SOX5: variants seen among roughly 807,000 people sequenced by gnomAD.
SOX5 encodes transcription factor SOX-5.
SOX5 carries 9 observed loss-of-function variants against 92.0 expected under a neutral mutation model. That is an observed-to-expected ratio of 0.10 (90% confidence interval 0.06 to 0.17). The LOEUF (loss-of-function observed/expected upper bound fraction) is 0.17. SOX5 is among the 10% of genes least tolerant of loss of function. The pLI is 1.00. For missense variants in SOX5, 642 were observed against 944.5 expected, an observed-to-expected ratio of 0.68 and a Z score of 4.20; for synonymous variants, 344 against 336.3, an observed-to-expected ratio of 1.02 and a Z score of -0.25.
chr12:24,561,634 G>A (rs926275688), intron 1 of SOX5, among the ~76,000 whole-genome samples: 5 of 143,312 alleles, frequency 3.5e-5, no homozygotes, highest in Non-Finnish European at 7.5e-5. Context: ...GAGGTGGGGG[G>A]AAAAAGTAGT....
Position 24,505,860 on chromosome 12 carries a change from T to TGTGTGTGTGCGCGC in SOX5, c.-251+56468_-251+56469insGCGCGCACACACAC, listed in dbSNP as rs1555327823. Among the ~76,000 whole-genome samples, 17 of 123,944 alleles carry TGTGTGTGTGCGCGC rather than the reference T, an allele frequency of 1.4e-4. No individual in the cohort carries two copies. The South Asian group carries it at 1.8e-3, about 13-fold the overall frequency. The allele number at this position is 123,944 out of a possible 152,430, so 81.3% of individuals were successfully genotyped here. A position where few individuals can be genotyped will look rare whatever the true frequency, so the allele number is the denominator to read the frequency against. The stretch of plus-strand genomic sequence containing the variant: ...GTGTGTGTGTGTGTGTGTGCGTGTG[T>TGTGTGTGTGCGCGC]GTGTGTGTGTGTGCGCATCACTGCA... On this transcript the variant is annotated intron_variant, in intron 1 of 4. Coordinates refer to the SOX5 transcript ENST00000446891.
At chr12:23,610,777 T>C (rs1040885086) in intron 8 of SOX5, among the ~76,000 whole-genome samples, 19 of 152,024 alleles carry the variant, frequency 1.2e-4, no homozygotes, top group Non-Finnish European at 1.0e-4. Context: ...ACAAAGTAAA[T>C]TAATAACCTC....
intron 6 of SOX5, among the ~76,000 whole-genome samples, chr12:23,690,966 G>A (rs1163145502): frequency 6.6e-6 from 1 of 152,168 alleles, no homozygotes; most frequent in African/African-American, 2.4e-5. Flanking sequence ...TCCAGACTGG[G>A]AAGGGAGCAC....
chr12:24,312,835 C>A (rs562482644), intron 2 of SOX5, among the ~76,000 whole-genome samples: 6 of 152,302 alleles, frequency 3.9e-5, no homozygotes, highest in African/African-American at 9.6e-5. Flanking sequence ...AGACCTGCAA[C>A]CTTCTTAAAG....
chr12:24,429,652 C>A (rs1453866981), intron 1 of SOX5, among the ~76,000 whole-genome samples: 2 of 149,202 alleles, frequency 1.3e-5, no homozygotes, highest in African/African-American at 5.0e-5. Flanking sequence ...ACACACACAC[C>A]CCATGAGCAC....
At chr12:23,604,919 A>G (rs2075046732) in intron 8 of SOX5, among the ~76,000 whole-genome samples, 3 of 152,280 alleles carry the variant, frequency 2.0e-5, no homozygotes, top group African/African-American at 7.2e-5. Context: ...TCTACTATCC[A>G]TATTGGTTCA....
intron 1 of SOX5, among the ~76,000 whole-genome samples, chr12:24,522,388 A>C (rs560310999): frequency 2.6e-5 from 4 of 152,248 alleles, no homozygotes; most frequent in African/African-American, 9.6e-5. Context: ...AAAAAATTGA[A>C]AAGGAGGGAA....
chr12:24,142,534 T>A (rs1373847277), intron 4 of SOX5, among the ~76,000 whole-genome samples: 1 of 151,966 alleles, frequency 6.6e-6, no homozygotes, highest in African/African-American at 2.4e-5. Flanking sequence ...ACTTTTTACG[T>A]AAAGCACAAA....
At chr12:23,690,642 A>T (rs957386956) in intron 6 of SOX5, among the ~76,000 whole-genome samples, 3 of 152,152 alleles carry the variant, frequency 2.0e-5, no homozygotes, top group Non-Finnish European at 4.4e-5. Context: ...AAAACTTCTC[A>T]GCAACATCCT....
chr12:24,120,209 T>C (rs964900081), intron 4 of SOX5, among the ~76,000 whole-genome samples: 4 of 152,200 alleles, frequency 2.6e-5, no homozygotes, highest in African/African-American at 4.8e-5. Context: ...GTCACAGATA[T>C]ACATTCATAT....
chr12:23,530,998 T>A lies in SOX5; in HGVS notation c.*3221A>T, dbSNP rs1292306248. The stretch of plus-strand genomic sequence containing the variant: ...TGGGGCACAGAAAAAGAATACAGGG[T>A]TTTAGGATCCTTTACCAAAATTATA... On this transcript the variant is annotated 3_prime_UTR_variant, in exon 15 of 15. Transcript: ENST00000451604. 1 of 152,084 alleles carries A rather than the reference T, an allele frequency of 6.6e-6. No homozygotes were observed. The highest frequency in any genetic ancestry group is 2.1e-4 in the South Asian group (1 of 4,826). The allele number at this position is 152,084 out of a possible 1,614,324, so 9.4% of individuals were successfully genotyped here. A position where few individuals can be genotyped will look rare whatever the true frequency, so the allele number is the denominator to read the frequency against.
chr12:23,788,797 A>G (rs1350816687), intron 3 of SOX5, among the ~76,000 whole-genome samples: 2 of 151,994 alleles, frequency 1.3e-5, no homozygotes, highest in Non-Finnish European at 1.5e-5. Flanking sequence ...ATATTTTAAT[A>G]TATATCAATT....
At chr12:24,050,084 C>CAAA (rs10687571) in intron 4 of SOX5, among the ~76,000 whole-genome samples, 20,092 of 73,026 alleles carry the variant, frequency 0.28, 3,768 homozygotes, top group East Asian at 0.59. Flanking sequence ...GGCGCAGAGG[C>CAAA]AAAAAAAAAA....
At chr12:24,352,852 T>C (rs536994419) in intron 2 of SOX5, among the ~76,000 whole-genome samples, 149 of 152,240 alleles carry the variant, frequency 9.8e-4, no homozygotes, top group African/African-American at 3.4e-3. Flanking sequence ...AGTGGTGAAA[T>C]ATGACCTCTG....
intron 8 of SOX5, among the ~76,000 whole-genome samples, chr12:23,631,074 G>A (rs1035200140): frequency 2.6e-5 from 4 of 151,830 alleles, no homozygotes; most frequent in African/African-American, 9.7e-5. Context: ...AGCATGCTTT[G>A]ACTAAACCAT....
chr12:23,664,258 C>T (rs2083464349), intron 7 of SOX5, among the ~76,000 whole-genome samples: 1 of 151,768 alleles, frequency 6.6e-6, no homozygotes, highest in Non-Finnish European at 1.5e-5. Flanking sequence ...TGTTAGAATA[C>T]TAGAGTTTCT....
At chr12:23,667,706 C>T (rs530334614) in intron 6 of SOX5, among the ~76,000 whole-genome samples, 1 of 152,178 alleles carries the variant, frequency 6.6e-6, no homozygotes, top group South Asian at 2.1e-4. Flanking sequence ...GAAAGAGGAA[C>T]TACAAGGTGG....
chr12:24,410,551 T>C (rs1566097352), intron 1 of SOX5, among the ~76,000 whole-genome samples: 1 of 152,234 alleles, frequency 6.6e-6, no homozygotes, highest in African/African-American at 2.4e-5. Flanking sequence ...ACTCCAAGAA[T>C]GAACTGTTGA....
At chr12:24,114,607 T>TAAAAAAAA (rs1947777883) in intron 4 of SOX5, among the ~76,000 whole-genome samples, 1 of 87,370 alleles carries the variant, frequency 1.1e-5, no homozygotes, top group African/African-American at 4.2e-5. Flanking sequence ...AAAAAAAAAT[T>TAAAAAAAA]AACAGACTTG....
Sources: gnomAD v4.1 joint callset for allele counts (sites outside exome capture counted in the v4.1 genomes callset) on GRCh38, gnomAD v4.1.1 for gene constraint, MANE v1.5 for transcripts, NCBI Gene and HGNC (gene_info 2026-07-23, HGNC 2026-07-21) for gene names.